The following TSHZ2 variants were observed in gnomAD, a reference collection of about 807,000 sequenced individuals.
TSHZ2 encodes teashirt zinc finger homeobox 2.
Under a neutral mutation model 74.4 loss-of-function variants are expected in TSHZ2, and 21 were observed. The observed-to-expected ratio is 0.28, with a 90% confidence interval of 0.20 to 0.41. TSHZ2 has a LOEUF of 0.41. TSHZ2 is among the 10% of genes least tolerant of loss of function. The pLI, the probability that TSHZ2 is intolerant of heterozygous loss-of-function variation, is 1.00. For missense variants in TSHZ2, 1,244 were observed against 1,293.5 expected, an observed-to-expected ratio of 0.96 and a Z score of 0.59; for synonymous variants, 540 against 515.3, an observed-to-expected ratio of 1.05 and a Z score of -0.65.
intron 1 of TSHZ2, among the ~76,000 whole-genome samples, chr20:53,134,944 C>T (rs1987202767): frequency 6.6e-6 from 1 of 151,136 alleles, no homozygotes; most frequent in South Asian, 2.1e-4. Context: ...TTTTTCTCTC[C>T]AGGCCATCTC....
At chr20:53,361,980 C>T (rs1001156869) in intron 2 of TSHZ2, among the ~76,000 whole-genome samples, 3 of 151,490 alleles carry the variant, frequency 2.0e-5, no homozygotes, top group Non-Finnish European at 2.9e-5. Flanking sequence ...CGTGCGATGG[C>T]GCCATCTCGG....
chr20:53,467,257 A>G (rs1419733349), intron 2 of TSHZ2, among the ~76,000 whole-genome samples: 1 of 152,224 alleles, frequency 6.6e-6, no homozygotes, highest in Non-Finnish European at 1.5e-5. Flanking sequence ...TGAATTGACA[A>G]CTGATTTCTT....
intron 2 of TSHZ2, among the ~76,000 whole-genome samples, chr20:53,342,104 G>A (rs748288942): frequency 3.3e-5 from 5 of 152,098 alleles, no homozygotes; most frequent in South Asian, 2.1e-4. Context: ...AACACCTTAC[G>A]TTAGTACCGT....
At chr20:53,160,191 C>T (rs73146647) in intron 1 of TSHZ2, among the ~76,000 whole-genome samples, 30,410 of 152,112 alleles carry the variant, frequency 0.2, 3,334 homozygotes, top group East Asian at 0.42. Flanking sequence ...AGGCAGGTAT[C>T]TCTGACCATA....
chr20:53,373,645 G>GT (rs1458311611), intron 2 of TSHZ2, among the ~76,000 whole-genome samples: 1 of 152,198 alleles, frequency 6.6e-6, no homozygotes, highest in Non-Finnish European at 1.5e-5. Flanking sequence ...TGGGATGTAT[G>GT]TTCAAGTTCA....
intron 2 of TSHZ2, among the ~76,000 whole-genome samples, chr20:53,381,063 C>T (rs977462307): frequency 3.3e-5 from 5 of 152,208 alleles, no homozygotes; most frequent in Admixed American, 1.3e-4. Context: ...GTGACTCACT[C>T]ATCCACGAAA....
chr20:53,323,683 A>T (rs1384999899), intron 2 of TSHZ2, among the ~76,000 whole-genome samples: 1 of 139,612 alleles, frequency 7.2e-6, no homozygotes, highest in Admixed American at 8.1e-5. Context: ...TCAAGCGATT[A>T]TCTTGCCTCA....
At chr20:53,380,393 A>C (rs907672841) in intron 2 of TSHZ2, among the ~76,000 whole-genome samples, 2 of 152,206 alleles carry the variant, frequency 1.3e-5, no homozygotes, top group African/African-American at 4.8e-5. Flanking sequence ...GAATGAGGTG[A>C]AGTTTTTAAA....
chr20:53,057,010 T>C (rs1484956442), intron 1 of TSHZ2, among the ~76,000 whole-genome samples: 7 of 152,244 alleles, frequency 4.6e-5, no homozygotes, highest in African/African-American at 1.7e-4. Context: ...ATTGAATCAT[T>C]GGGGCAGGTT....
chr20:53,292,828 C>T (rs945079573), intron 2 of TSHZ2, among the ~76,000 whole-genome samples: 3 of 152,134 alleles, frequency 2.0e-5, no homozygotes, highest in East Asian at 1.9e-4. Flanking sequence ...TATCATTTTC[C>T]AATTCAGACA....
intron 1 of TSHZ2, among the ~76,000 whole-genome samples, chr20:53,200,024 A>T (rs1202038153): frequency 6.6e-6 from 1 of 152,218 alleles, no homozygotes; most frequent in Admixed American, 6.5e-5. Context: ...AGTTTATCAG[A>T]TGAGGGTAGT....
Position 52,995,175 on chromosome 20 carries a change from C to T in TSHZ2, c.40+21842C>T, listed in dbSNP as rs144974844. Among the ~76,000 whole-genome samples the T allele has an allele frequency of 6.5e-3, 996 of 152,316 alleles. 9 individuals carry two copies. The highest frequency in any genetic ancestry group is 0.011 in the Non-Finnish European group (776 of 68,032). On this transcript the variant is annotated intron_variant, in intron 1 of 2. Transcript: ENST00000371497. ...GCATCTCAGTTCCTCAGCAGAGCTC[C>T]AGCTTCACAGCTACAGATACAGAGA... is the stretch of plus-strand genomic sequence containing the variant.
At chr20:52,982,167 G>A (rs1314312244) in intron 1 of TSHZ2, among the ~76,000 whole-genome samples, 1 of 152,210 alleles carries the variant, frequency 6.6e-6, no homozygotes, top group Non-Finnish European at 1.5e-5. Flanking sequence ...TAACTTTCAA[G>A]TATAATCCCT....
At position 53,254,402 on chromosome 20, in the gene TSHZ2, A is replaced by G; in HGVS notation, c.944A>G (p.Lys315Arg). 1.9e-6 allele frequency: 3 copies of G among 1,613,882 alleles called. No homozygotes were observed. In the African/African-American group the frequency reaches 4.0e-5, roughly 22 times the overall value. The part of the protein sequence containing the change: ...LKEPVPTISS[K>R]MVTPAKKRVF... Reference sequence around the variant, plus strand: ...GAGCCAGTCCCAACCATTTCCTCGAAAATGGTCACCCCGGCTAAGAAACGC... The same window carrying G: ...GAGCCAGTCCCAACCATTTCCTCGAGAATGGTCACCCCGGCTAAGAAACGC... Residue 315 changes from lysine to arginine, a missense_variant, in exon 2 of 3, where the codon AAA becomes AGA. Lys to Arg is a conservative substitution (Grantham distance 26). Around this residue, in one of 6 missense-constraint regions of TSHZ2, gnomAD observed 470 missense variants for 456.5 expected, o/e 1.03. Transcript: ENST00000371497.
chr20:53,114,306 A>G (rs1052246183), intron 1 of TSHZ2, among the ~76,000 whole-genome samples: 3 of 152,152 alleles, frequency 2.0e-5, no homozygotes, highest in Non-Finnish European at 4.4e-5. Context: ...AGTGCTCAGA[A>G]TCTGGGCTTT....
Position 53,253,666 on chromosome 20 carries a change from C to G in TSHZ2, c.208C>G (p.Pro70Ala). 6.2e-7 allele frequency: 1 copy of G among 1,614,144 alleles called. No individual in the cohort carries two copies. Among genetic ancestry groups the G allele is most frequent in the Non-Finnish European group, 8.5e-7 (1 of 1,180,030 alleles). ...QKGCFSYQNS[P>A]GSHLSNQDAE... is the part of the protein sequence containing the mutation. ...AGGCTGCTTCAGCTACCAGAACTCT[C>G]CAGGAAGTCATTTGTCCAATCAGGA... The change falls in exon 2 of 3, where the codon CCA becomes GCA. Residue 70 changes from proline (P) to alanine (A), a missense_variant. Pro to Ala is a conservative substitution (Grantham distance 27). Around this residue, in one of 6 missense-constraint regions of TSHZ2, gnomAD observed 470 missense variants for 456.5 expected, o/e 1.03. Transcript: ENST00000371497.
chr20:53,000,057 T>A (rs182850475), intron 1 of TSHZ2, among the ~76,000 whole-genome samples: 1 of 152,336 alleles, frequency 6.6e-6, no homozygotes, highest in East Asian at 1.9e-4. Context: ...TTCGCAGACG[T>A]CCAATGAGTC....
chr20:53,228,765 G>T (rs958396348), intron 1 of TSHZ2, among the ~76,000 whole-genome samples: 1 of 151,506 alleles, frequency 6.6e-6, no homozygotes, highest in South Asian at 2.1e-4. Context: ...TTGGATGCCA[G>T]TGGCACCACC....
At chr20:53,268,267 T>A (rs922340811) in intron 2 of TSHZ2, among the ~76,000 whole-genome samples, 1 of 152,202 alleles carries the variant, frequency 6.6e-6, no homozygotes, top group African/African-American at 2.4e-5. Flanking sequence ...CAGACCCAGA[T>A]TGAATTACTT....
Sources: allele counts gnomAD v4.1 joint callset (sites outside exome capture counted in the v4.1 genomes callset), GRCh38; gene constraint gnomAD v4.1.1; regional missense constraint gnomAD v4.1.1; transcripts MANE v1.5; gene names NCBI Gene and HGNC (gene_info 2026-07-23, HGNC 2026-07-21).